The following CCDC180 variants were observed in gnomAD, a reference collection of about 807,000 sequenced individuals.
The protein encoded by CCDC180 is coiled-coil domain containing 180.
Under a neutral mutation model 209.2 loss-of-function variants are expected in CCDC180, and 154 were observed. The ratio of observed to expected loss-of-function variants is 0.74; its 90% CI spans 0.65 to 0.84. CCDC180 has a LOEUF of 0.84. CCDC180 is among the 40% of genes least tolerant of loss of function. The pLI, the probability that CCDC180 is intolerant of heterozygous loss-of-function variation, is 0.00. For missense variants in CCDC180, 1,874 were observed against 1,997.3 expected (o/e 0.94, Z 1.18); for synonymous variants, 778 against 749.1 (o/e 1.04, Z -0.63).
Position 97,322,836 on chromosome 9 carries a change from C to T in CCDC180, c.1163C>T (p.Thr388Ile), listed in dbSNP as rs763132326. Residue 388 changes from threonine (T) to isoleucine (I), a missense_variant, in exon 12 of 37, where the codon ACC becomes ATC. Transcript: ENST00000529487. ...GCTTTGTTTTCTGCCCATGGAGACA[C>T]CTACCACGTGGACTGCATGATGCGG... ...SLNSLNKELD[T>I]YHVDCMMRIR... 8.1e-6 allele frequency: 13 copies of T among 1,613,756 alleles called. No individual in the cohort carries two copies. The highest frequency in any genetic ancestry group is 1.1e-5 in the South Asian group (1 of 91,082).
chr9:97,376,641 G>A (rs1476808285), intron 36 of CCDC180, 122 bp from the exon 37 acceptor site: 3 of 990,632 alleles, frequency 3.0e-6, no homozygotes, highest in African/African-American at 3.2e-5. Flanking sequence ...GTGACTTGGA[G>A]AACTCTTGCC....
At position 97,354,551 on chromosome 9, in the gene CCDC180, G is replaced by C. The variant is rs10125198; in HGVS notation, c.3003-18G>C. ...TAGGTCTGATCTGTGGCTTTTATTT[G>C]TCTTTGATTATTTTCAGATTGTTTT... is the stretch of plus-strand genomic sequence containing the variant. On this transcript the variant is annotated intron_variant, in intron 22 of 36. Transcript: ENST00000529487. The C allele has an allele frequency of 0.48, 775,289 of 1,611,010 alleles. 192,537 individuals carry two copies. The highest frequency in any genetic ancestry group is 0.7 in the African/African-American group (52,221 of 74,860).
At chr9:97,345,074 AT>A (rs141544184) in intron 19 of CCDC180, among the ~76,000 whole-genome samples, 7,410 of 152,286 alleles carry the variant, frequency 0.049, 626 homozygotes, top group African/African-American at 0.17. Context: ...TTATAAAAAA[AT>A]GTTATCCATT....
At chr9:97,361,171 G>A (rs1216817979) in intron 26 of CCDC180, among the ~76,000 whole-genome samples, 3 of 152,184 alleles carry the variant, frequency 2.0e-5, no homozygotes, top group African/African-American at 4.8e-5. Flanking sequence ...AACAGCCTAG[G>A]TGCTCACCAT....
intron 26 of CCDC180, among the ~76,000 whole-genome samples, chr9:97,361,434 G>A (rs1826748799): frequency 6.6e-6 from 1 of 152,230 alleles, no homozygotes; most frequent in Admixed American, 6.5e-5. Flanking sequence ...TCTGAGACAG[G>A]AGGGATCATA....
At chr9:97,376,675 C>T (rs998546513) in intron 36 of CCDC180, 88 bp from the exon 37 acceptor site, 3 of 1,456,976 alleles carry the variant, frequency 2.1e-6, no homozygotes, top group Non-Finnish European at 2.8e-6. Flanking sequence ...GGTTAAAAAC[C>T]ACCTGCCAGC....
intron 24 of CCDC180, 116 bp downstream of exon 24, chr9:97,355,124 C>T (rs557033369): frequency 5.9e-6 from 4 of 681,974 alleles, no homozygotes; most frequent in East Asian, 2.7e-5. Context: ...GACTTGCTCT[C>T]CAGCCAGGAA....
chr9:97,330,813 A>G lies in CCDC180; in HGVS notation c.2274+46A>G, dbSNP rs759365114. ...TTCTTGGGCATAGAGAAAGTTTGCTATGCTCATTTTGTGTTTATCCCTAGT... is the reference window on the plus strand; with the variant it reads ...TTCTTGGGCATAGAGAAAGTTTGCTGTGCTCATTTTGTGTTTATCCCTAGT... On this transcript the variant is annotated intron_variant, in intron 18 of 36. Transcript: ENST00000529487. 15 of 1,550,610 alleles carry G rather than the reference A, an allele frequency of 9.7e-6. No individual in the cohort carries two copies. In the African/African-American group the frequency reaches 1.2e-4, roughly 13 times the overall value.
chr9:97,314,755 G>A (rs1422295013), intron 7 of CCDC180, 27 bp downstream of exon 7: 7 of 1,608,592 alleles, frequency 4.4e-6, no homozygotes, highest in Non-Finnish European at 6.0e-6. Context: ...TGGGCTGTGT[G>A]GTGACTGTCA....
chr9:97,308,637 T>G (rs1832880694), intron 2 of CCDC180, among the ~76,000 whole-genome samples: 1 of 152,240 alleles, frequency 6.6e-6, no homozygotes, highest in African/African-American at 2.4e-5. Context: ...TGAAATTGCC[T>G]TGTTCTCTCT....
At chr9:97,339,992 A>G (rs1012084941) in intron 18 of CCDC180, among the ~76,000 whole-genome samples, 5 of 152,160 alleles carry the variant, frequency 3.3e-5, no homozygotes, top group African/African-American at 2.4e-5. Flanking sequence ...TTCTTGTGCA[A>G]TGGTTTTCAG....
chr9:97,307,419 C>G (rs1412578889), upstream of CCDC180: 2 of 574,826 alleles, frequency 3.5e-6, no homozygotes, highest in Admixed American at 4.5e-5. Flanking sequence ...CAAGGCCTCC[C>G]TCCAATCTAC....
intron 32 of CCDC180, 125 bp downstream of exon 32, chr9:97,370,207 A>AT: frequency 1.9e-6 from 2 of 1,065,602 alleles, no homozygotes; most frequent in Non-Finnish European, 2.7e-6. Flanking sequence ...GGATTTTTGG[A>AT]TGGGGGCTGA....
At position 97,374,448 on chromosome 9, in the gene CCDC180, C is replaced by T. The variant is rs1385386040; in HGVS notation, c.4601-95C>T. ...ATAACTCCAAGTGGGAGGAGGGGTG[C>T]CAGTCCTCCCTTTTCTAAGTGTAAT... is the stretch of plus-strand genomic sequence containing the variant. On this transcript the variant is annotated intron_variant, in intron 34 of 36. Coordinates refer to ENST00000529487, the MANE Select transcript of CCDC180 (RefSeq NM_020893.6). 13 of 904,938 alleles carry T rather than the reference C, an allele frequency of 1.4e-5. No individual in the cohort carries two copies. In the African/African-American group the frequency reaches 1.5e-4, roughly 10 times the overall value. 56.1% of individuals were successfully genotyped at this position (904,938 alleles called of 1,614,324 possible).
intron 10 of CCDC180, among the ~76,000 whole-genome samples, chr9:97,319,331 CT>C (rs949165188): frequency 3.3e-5 from 5 of 152,056 alleles, no homozygotes; most frequent in African/African-American, 1.2e-4. Flanking sequence ...ATTTGGTGTC[CT>C]TTTTTTAACT....
chr9:97,371,863 T>C, intron 34 of CCDC180, 157 bp downstream of exon 34: 1 of 482,706 alleles, frequency 2.1e-6, no homozygotes, highest in Non-Finnish European at 3.8e-6. Context: ...ATTTTTTGAT[T>C]AAAAAGCAAA....
chr9:97,332,646 G>C (rs1355816300), intron 18 of CCDC180, among the ~76,000 whole-genome samples: 2 of 152,154 alleles, frequency 1.3e-5, no homozygotes, highest in African/African-American at 4.8e-5. Context: ...TTGTGAATGG[G>C]ATTGCTTTCC....
intron 34 of CCDC180, chr9:97,372,497 A>G (rs961798916): frequency 6.6e-6 from 1 of 152,222 alleles, no homozygotes; most frequent in Non-Finnish European, 1.5e-5. Flanking sequence ...TCAAAGGTAT[A>G]TGTTCAAAAA....
In CCDC180 at chr9:97,324,008, A is replaced by G. The variant is rs73559881; in HGVS notation, c.1371+105A>G. 6,433 of 1,344,496 alleles carry G rather than the reference A, an allele frequency of 4.8e-3. 256 individuals are homozygous for G. The African/African-American group carries it at 0.083, about 17-fold the overall frequency. 83.3% of individuals were successfully genotyped at this position (1,344,496 alleles called of 1,614,324 possible). A position where few individuals can be genotyped will look rare whatever the true frequency, so the allele number is the denominator to read the frequency against. On this transcript the variant is annotated intron_variant, in intron 13 of 36. Coordinates refer to ENST00000529487, the MANE Select transcript of CCDC180 (RefSeq NM_020893.6). ...CAAGAACTCCAACTTGCATGTTCCT[A>G]GTGTGTCCGCTCACCCTTGTCAGCC...
Sources: gnomAD v4.1 joint callset for allele counts (sites outside exome capture counted in the v4.1 genomes callset) on GRCh38, gnomAD v4.1.1 for gene constraint, MANE v1.5 for transcripts, NCBI Gene and HGNC (gene_info 2026-07-23, HGNC 2026-07-21) for gene names.